RABGAP1: variants seen among roughly 807,000 people sequenced by gnomAD.
RABGAP1 encodes the protein rab GTPase-activating protein 1.
Under a neutral mutation model 137.6 loss-of-function variants are expected in RABGAP1, and 23 were observed. The observed-to-expected ratio is 0.17, with a 90% CI of 0.12 to 0.24. RABGAP1 has a LOEUF of 0.24. RABGAP1 is among the 10% of genes least tolerant of loss of function. The pLI is 1.00. For synonymous variants in RABGAP1, 451 were observed against 450.7 expected (o/e 1.00, Z -0.01); for missense variants, 906 against 1,275.8 (o/e 0.71, Z 4.42).
chr9:123,005,971 G>A (rs2030224644), intron 10 of RABGAP1, among the ~76,000 whole-genome samples: 1 of 152,094 alleles, frequency 6.6e-6, no homozygotes. Flanking sequence ...TTTATCCTCT[G>A]CCTTTTTAAT....
At chr9:122,961,886 T>C (rs556286074) in intron 2 of RABGAP1, among the ~76,000 whole-genome samples, 41 of 152,288 alleles carry the variant, frequency 2.7e-4, no homozygotes, top group African/African-American at 7.2e-4. Context: ...GTGTTTGGGC[T>C]AGGAAATAAC....
At position 123,076,779 on chromosome 9, in the gene RABGAP1, T is replaced by G; in HGVS notation, c.2424+17T>G. 1 of 1,549,890 alleles carries G rather than the reference T, an allele frequency of 6.5e-7. No individual in the cohort carries two copies. Among genetic ancestry groups the G allele is most frequent in the Non-Finnish European group, 8.7e-7 (1 of 1,148,146 alleles). The stretch of plus-strand genomic sequence containing the variant: ...AACATGAAGGTAAAATAATTTTGCA[T>G]TAGTTAAGATTCTGTTTTTCACTTA... On this transcript the variant is annotated intron_variant, in intron 19 of 25. Transcript: ENST00000373647.
intron 13 of RABGAP1, chr9:123,062,839 A>G (rs1388660942): frequency 6.6e-6 from 1 of 151,748 alleles, no homozygotes. Flanking sequence ...CCCAGGCTGG[A>G]GTGCAGTGCC....
intron 13 of RABGAP1, among the ~76,000 whole-genome samples, chr9:123,027,795 T>C (rs2032066400): frequency 6.6e-6 from 1 of 152,200 alleles, no homozygotes; most frequent in Non-Finnish European, 1.5e-5. Flanking sequence ...AGTCCTGCCC[T>C]CCAAAATAGG....
At chr9:123,096,461 A>T (rs182872046) in intron 21 of RABGAP1, among the ~76,000 whole-genome samples, 46 of 152,358 alleles carry the variant, frequency 3.0e-4, no homozygotes, top group African/African-American at 1.0e-3. Context: ...ACAAAGAGGG[A>T]CATTTCCTAA....
rs371562810 is a variant in RABGAP1, at chr9:122,997,309, C to G, written c.1152C>G (p.Ser384Arg). ...SDGKSYVITG[S>R]WNPKSPHFQV... ...GAAAGTCGTATGTTATTACGGGGAG[C>G]TGGAATCCAAAATCCCCACATTTTC... Residue 384 changes from serine (S) to arginine (R), a missense_variant, in exon 9 of 26, where the codon AGC becomes AGG. Physicochemically the swap from Ser to Arg is moderately radical, Grantham distance 110 (BLOSUM62 -1). This residue lies in a region of RABGAP1 where 212 missense variants were observed against 289.4 expected (regional missense o/e 0.73). Transcript: ENST00000373647. The G allele has an allele frequency of 3.7e-6, 6 of 1,611,766 alleles. No individual in the cohort carries two copies. Among genetic ancestry groups the G allele is most frequent in the African/African-American group, 2.7e-5 (2 of 74,744 alleles).
chr9:122,980,333 C>T (rs1835980221), intron 2 of RABGAP1, among the ~76,000 whole-genome samples: 1 of 152,170 alleles, frequency 6.6e-6, no homozygotes, highest in African/African-American at 2.4e-5. Context: ...TTATGTTGCC[C>T]AGGCTGGCCT....
chr9:123,049,164 T>A (rs771596529), intron 13 of RABGAP1, among the ~76,000 whole-genome samples: 3 of 149,330 alleles, frequency 2.0e-5, no homozygotes, highest in Non-Finnish European at 4.4e-5. Flanking sequence ...ATATAATCAT[T>A]CAGCTAATAT....
intron 13 of RABGAP1, among the ~76,000 whole-genome samples, chr9:123,023,242 A>G (rs1236244216): frequency 1.3e-5 from 2 of 152,126 alleles, no homozygotes; most frequent in Non-Finnish European, 1.5e-5. Flanking sequence ...GTGCAGTGGC[A>G]TGATCTCAGC....
intron 6 of RABGAP1, among the ~76,000 whole-genome samples, chr9:122,990,974 ATC>A (rs1836693602): frequency 1.3e-5 from 2 of 150,968 alleles, no homozygotes; most frequent in African/African-American, 4.9e-5. Context: ...CAGTAAAGTT[ATC>A]TGCATACATT....
intron 1 of RABGAP1, among the ~76,000 whole-genome samples, chr9:122,952,513 C>T (rs894253340): frequency 1.3e-5 from 2 of 152,074 alleles, no homozygotes; most frequent in Non-Finnish European, 2.9e-5. Flanking sequence ...CGTGATCTGC[C>T]CGCCTCGGCC....
upstream of RABGAP1, among the ~76,000 whole-genome samples, chr9:122,936,930 C>G (rs557000666): frequency 6.6e-6 from 1 of 152,210 alleles, no homozygotes; most frequent in South Asian, 2.1e-4. Flanking sequence ...ATCCTGATCC[C>G]CAGCACAGAG....
At chr9:123,027,629 A>G (rs535954944) in intron 13 of RABGAP1, among the ~76,000 whole-genome samples, 13 of 152,340 alleles carry the variant, frequency 8.5e-5, no homozygotes, top group Non-Finnish European at 1.6e-4. Context: ...AAGGAGATCG[A>G]TTTAGCAAAA....
At position 122,967,051 on chromosome 9, in the gene RABGAP1, G is replaced by A. The variant is rs554572038; in HGVS notation, c.150+9842G>A. Among the ~76,000 whole-genome samples the A allele has an allele frequency of 7.9e-5, 12 of 152,298 alleles. 1 individual carries two copies. In the South Asian group the frequency reaches 2.1e-3, roughly 26 times the overall value. The stretch of plus-strand genomic sequence containing the variant: ...CAATTCAAAATGAGATTTGGGTGGG[G>A]ACACAGCCAAACCGTATCACTAGGA... On this transcript the variant is annotated intron_variant, in intron 2 of 25. Coordinates refer to ENST00000373647, the MANE Select transcript of RABGAP1 (RefSeq NM_012197.4).
At position 123,102,135 on chromosome 9, in the gene RABGAP1, T is replaced by C. The variant is rs968401060; in HGVS notation, c.3087+372T>C. On this transcript the variant is annotated intron_variant, in intron 25 of 25. Transcript: ENST00000373647. ...ATGATGAGAGTCCCTATCTGATAGG[T>C]TGGTTTGAGGACTAAGTAAGATAGT... Among the ~76,000 whole-genome samples, 59 of 152,230 alleles carry C rather than the reference T, an allele frequency of 3.9e-4. 1 individual carries two copies. Among genetic ancestry groups the C allele is most frequent in the African/African-American group, 1.4e-3 (58 of 41,536 alleles).
intron 22 of RABGAP1, among the ~76,000 whole-genome samples, chr9:123,098,070 G>A (rs548487308): frequency 6.6e-6 from 1 of 152,204 alleles, no homozygotes; most frequent in Non-Finnish European, 1.5e-5. Flanking sequence ...GAGAATTTCT[G>A]TGTATCAGCA....
intron 7 of RABGAP1, 147 bp from the exon 8 acceptor site, chr9:122,996,392 G>A (rs1837023809): frequency 1.9e-6 from 2 of 1,072,416 alleles, no homozygotes; most frequent in South Asian, 1.8e-5. Context: ...CTTGAAGGAA[G>A]GATTATTATT....
chr9:123,100,488 T>G (rs1262950973), intron 24 of RABGAP1, among the ~76,000 whole-genome samples: 1 of 151,760 alleles, frequency 6.6e-6, no homozygotes, highest in African/African-American at 2.4e-5. Context: ...AGTGGCGCCA[T>G]CTCGGCTCAC....
intron 13 of RABGAP1, among the ~76,000 whole-genome samples, chr9:123,028,639 A>G (rs1394778854): frequency 6.6e-6 from 1 of 152,226 alleles, no homozygotes; most frequent in African/African-American, 2.4e-5. Flanking sequence ...TAGATAGGGA[A>G]CAGATCTTTG....
Sources: gnomAD v4.1 joint callset for allele counts (sites outside exome capture counted in the v4.1 genomes callset) on GRCh38, gnomAD v4.1.1 for gene constraint, gnomAD v4.1.1 regional missense constraint, MANE v1.5 for transcripts, NCBI Gene and HGNC (gene_info 2026-07-23, HGNC 2026-07-21) for gene names.